HPSE2: variants seen among roughly 807,000 people sequenced by gnomAD.
The protein encoded by HPSE2 is inactive heparanase-2.
HPSE2 carries 38 observed loss-of-function variants against 60.5 expected under a neutral mutation model. The ratio of observed to expected loss-of-function variants is 0.63; its 90% CI spans 0.48 to 0.82. HPSE2 has a LOEUF of 0.82. Ranked by LOEUF, HPSE2 falls within the 40% of genes least tolerant of loss-of-function variation. HPSE2 has a pLI of 0.00. For missense variants in HPSE2, 713 were observed against 740.4 expected (o/e 0.96, Z 0.43); for synonymous variants, 295 against 293.2 (o/e 1.01, Z -0.06).
Position 99,213,379 on chromosome 10 carries a change from T to C in HPSE2, c.448+18969A>G, listed in dbSNP as rs554470066. 2.0e-5 allele frequency among the ~76,000 whole-genome samples: 3 copies of C among 152,262 alleles called. No individual in the cohort carries two copies. In the East Asian group the frequency reaches 5.8e-4, roughly 29 times the overall value. On this transcript the variant is annotated intron_variant, in intron 2 of 11. Transcript: ENST00000370552. ...CTGATAAAGAACCATACAATTATTATAGAGACCACCTCTGGCCATAGGTTC... is the reference window on the plus strand; with the variant it reads ...CTGATAAAGAACCATACAATTATTACAGAGACCACCTCTGGCCATAGGTTC...
intron 9 of HPSE2, among the ~76,000 whole-genome samples, chr10:98,584,176 AGG>A (rs146490470): frequency 6.6e-6 from 1 of 152,304 alleles, no homozygotes; most frequent in East Asian, 1.9e-4. Context: ...CTTTGAAAGT[AGG>A]GGGTAAAAAG....
chr10:99,069,398 A>T (rs906680260), intron 3 of HPSE2, among the ~76,000 whole-genome samples: 2 of 152,098 alleles, frequency 1.3e-5, no homozygotes, highest in Non-Finnish European at 2.9e-5. Context: ...GAATCAAATC[A>T]TGAGAGCTAG....
intron 3 of HPSE2, among the ~76,000 whole-genome samples, chr10:99,023,636 G>T (rs11498741): frequency 6.6e-6 from 1 of 152,148 alleles, no homozygotes; most frequent in Admixed American, 6.5e-5. Context: ...CCAGCTTTAT[G>T]TTGCTCAGAA....
intron 3 of HPSE2, among the ~76,000 whole-genome samples, chr10:98,906,716 C>T (rs947862486): frequency 5.9e-5 from 9 of 152,200 alleles, no homozygotes; most frequent in African/African-American, 2.2e-4. Context: ...CCATTCTGGT[C>T]AACTTGGTTA....
At chr10:98,903,014 AAAT>A (rs1205236412) in intron 3 of HPSE2, among the ~76,000 whole-genome samples, 2 of 152,184 alleles carry the variant, frequency 1.3e-5, no homozygotes, top group East Asian at 3.8e-4. Context: ...TAAAAGAGAG[AAAT>A]AATCTAAATG....
intron 3 of HPSE2, among the ~76,000 whole-genome samples, chr10:99,071,637 C>T (rs1842792767): frequency 6.6e-6 from 1 of 152,200 alleles, no homozygotes; most frequent in Non-Finnish European, 1.5e-5. Flanking sequence ...AAGAAACCAT[C>T]GCTAATGCCA....
intron 6 of HPSE2, among the ~76,000 whole-genome samples, chr10:98,662,365 C>T (rs1192055846): frequency 6.6e-6 from 1 of 152,164 alleles, no homozygotes; most frequent in Admixed American, 6.5e-5. Context: ...TTTAATAATA[C>T]TATGAAGCCA....
chr10:98,901,887 C>G (rs1019953173), intron 3 of HPSE2, among the ~76,000 whole-genome samples: 3 of 152,164 alleles, frequency 2.0e-5, no homozygotes, highest in African/African-American at 7.2e-5. Context: ...AAGCAGTTAA[C>G]ATAACGCCTG....
Position 98,979,356 on chromosome 10 carries a change from G to C in HPSE2, c.610+164882C>G, listed in dbSNP as rs188501074. ...ATCTACAGTGCATAATGAAGCTATG[G>C]AAAAGATGAAAAAGTGGCTAAATTT... On this transcript the variant is annotated intron_variant, in intron 3 of 11. Coordinates refer to ENST00000370552, the MANE Select transcript of HPSE2 (RefSeq NM_021828.5). Among the ~76,000 whole-genome samples, 119 of 152,232 alleles carry C rather than the reference G, an allele frequency of 7.8e-4. 1 individual carries two copies. The highest frequency in any genetic ancestry group is 6.6e-4 in the Non-Finnish European group (45 of 68,006).
At chr10:99,047,525 GA>G (rs1957883608) in intron 3 of HPSE2, 1 of 454,010 alleles carries the variant, frequency 2.2e-6, no homozygotes, top group East Asian at 3.7e-5. Flanking sequence ...TATTACTAAA[GA>G]GACAACCTAC....
At chr10:99,283,190 TAAAAAAAAAAAAAA>T in the HPSE2 span, among the ~76,000 whole-genome samples, 1 of 39,668 alleles carries the variant, frequency 2.5e-5, no homozygotes, top group Non-Finnish European at 4.7e-5. Flanking sequence ...CGTCTCAGGT[TAAAAAAAAAAAAAA>T]AAAAAAAAAA....
chr10:98,876,353 A>T (rs1385359394), intron 3 of HPSE2, among the ~76,000 whole-genome samples: 3 of 151,894 alleles, frequency 2.0e-5, no homozygotes, highest in African/African-American at 7.2e-5. Flanking sequence ...GTTATAAATG[A>T]GTTAACCAGT....
intron 9 of HPSE2, among the ~76,000 whole-genome samples, chr10:98,499,042 G>A (rs12763916): frequency 6.6e-6 from 1 of 152,180 alleles, no homozygotes; most frequent in African/African-American, 2.4e-5. Flanking sequence ...GTGTTCCTGA[G>A]GAAGAAGAGA....
At chr10:99,118,452 G>C (rs183537655) in intron 3 of HPSE2, among the ~76,000 whole-genome samples, 1 of 151,062 alleles carries the variant, frequency 6.6e-6, no homozygotes. Context: ...GAACCCAGGA[G>C]GCAGAGTTTG....
At chr10:99,236,990 C>A (rs1008148008), upstream of HPSE2, among the ~76,000 whole-genome samples, 1 of 152,102 alleles carries the variant, frequency 6.6e-6, no homozygotes, top group Non-Finnish European at 1.5e-5. Flanking sequence ...GTTTCCATCT[C>A]GGCCCCCAGT....
At chr10:98,567,005 A>G (rs1944366008) in intron 9 of HPSE2, among the ~76,000 whole-genome samples, 1 of 152,242 alleles carries the variant, frequency 6.6e-6, no homozygotes, top group African/African-American at 2.4e-5. Flanking sequence ...ATACACTCGT[A>G]GATGACTTGC....
intron 3 of HPSE2, among the ~76,000 whole-genome samples, chr10:99,084,021 A>G (rs1843236026): frequency 7.7e-6 from 1 of 129,940 alleles, no homozygotes; most frequent in Admixed American, 9.2e-5. Context: ...TTTTCCCAAG[A>G]GTCATTTCAG....
chr10:98,808,906 T>C (rs1199179658), intron 3 of HPSE2, among the ~76,000 whole-genome samples: 2 of 152,180 alleles, frequency 1.3e-5, no homozygotes, highest in African/African-American at 4.8e-5. Flanking sequence ...CTAGAGCTTA[T>C]CTTAACTGAG....
chr10:98,698,975 G>C (rs1948320090), intron 5 of HPSE2, among the ~76,000 whole-genome samples: 1 of 152,130 alleles, frequency 6.6e-6, no homozygotes, highest in African/African-American at 2.4e-5. Context: ...CCAATAACAG[G>C]CTCTGAAATT....
Sources: allele counts gnomAD v4.1 joint callset (sites outside exome capture counted in the v4.1 genomes callset), GRCh38; gene constraint gnomAD v4.1.1; transcripts MANE v1.5; gene names NCBI Gene and HGNC (gene_info 2026-07-23, HGNC 2026-07-21).